SUGCT: variants seen among roughly 807,000 people sequenced by gnomAD.
SUGCT encodes succinyl-CoA:glutarate-CoA transferase.
A neutral mutation model predicts 55.0 loss-of-function variants in SUGCT; 41 were observed. That is an observed-to-expected ratio of 0.74 (90% CI 0.58 to 0.97). SUGCT has a LOEUF of 0.97. Ranked by LOEUF, SUGCT falls within the 50% of genes least tolerant of loss-of-function variation. The pLI is 0.00. For synonymous variants in SUGCT, 187 were observed against 200.4 expected (o/e 0.93, Z 0.56); for missense variants, 568 against 547.8 (o/e 1.04, Z -0.37).
chr7:40,838,248 T>C (rs1171016735), intron 13 of SUGCT, among the ~76,000 whole-genome samples: 1 of 152,204 alleles, frequency 6.6e-6, no homozygotes, highest in Non-Finnish European at 1.5e-5. Context: ...CTATGTCTTT[T>C]CAGATAAAAT....
At chr7:40,753,985 T>A (rs932465334) in intron 13 of SUGCT, among the ~76,000 whole-genome samples, 1 of 152,134 alleles carries the variant, frequency 6.6e-6, no homozygotes, top group Admixed American at 6.6e-5. Context: ...TTCATATGAG[T>A]CTCTATCATC....
chr7:40,789,548 T>C (rs1314222878), intron 13 of SUGCT, among the ~76,000 whole-genome samples: 1 of 152,186 alleles, frequency 6.6e-6, no homozygotes, highest in Non-Finnish European at 1.5e-5. Flanking sequence ...ATTTAGTTTG[T>C]TTCTTAGTTA....
At chr7:40,279,052 G>A (rs572829190) in intron 8 of SUGCT, among the ~76,000 whole-genome samples, 1 of 149,714 alleles carries the variant, frequency 6.7e-6, no homozygotes, top group South Asian at 2.1e-4. Context: ...GTCCAGGCTA[G>A]TCTTGAACTC....
chr7:40,525,867 A>C (rs926505532), intron 12 of SUGCT, among the ~76,000 whole-genome samples: 3 of 152,198 alleles, frequency 2.0e-5, no homozygotes, highest in Non-Finnish European at 4.4e-5. Flanking sequence ...ATAAGGGAGC[A>C]GAGGTGCAGA....
the SUGCT span, among the ~76,000 whole-genome samples, chr7:40,956,435 C>G: frequency 6.6e-6 from 1 of 152,130 alleles, no homozygotes; most frequent in Non-Finnish European, 1.5e-5. Flanking sequence ...ATAGTATTCT[C>G]TGATGGTAGT....
chr7:40,395,638 A>G (rs1338366055), intron 9 of SUGCT, among the ~76,000 whole-genome samples: 4 of 151,980 alleles, frequency 2.6e-5, no homozygotes, highest in Admixed American at 6.6e-5. Context: ...TTTAAGCCAT[A>G]TTCCCCCATT....
At chr7:40,460,828 G>A (rs1356235366) in intron 11 of SUGCT, among the ~76,000 whole-genome samples, 1 of 152,074 alleles carries the variant, frequency 6.6e-6, no homozygotes, top group Non-Finnish European at 1.5e-5. Flanking sequence ...CAGCATTTTG[G>A]TATCTATAAG....
At chr7:40,248,878 G>GCT (rs1254071967) in intron 7 of SUGCT, among the ~76,000 whole-genome samples, 1 of 137,318 alleles carries the variant, frequency 7.3e-6, no homozygotes, top group Non-Finnish European at 1.5e-5. Context: ...TCCAGCGCGC[G>GCT]CGCGCGCTCG....
intron 9 of SUGCT, among the ~76,000 whole-genome samples, chr7:40,410,854 C>A (rs560701146): frequency 2.6e-5 from 4 of 152,140 alleles, no homozygotes; most frequent in Non-Finnish European, 4.4e-5. Context: ...CTAGGCCAGT[C>A]TGACTTTTAA....
chr7:40,919,876 A>G, the SUGCT span, among the ~76,000 whole-genome samples: 1 of 152,148 alleles, frequency 6.6e-6, no homozygotes, highest in Non-Finnish European at 1.5e-5. Context: ...GATTCTTCAC[A>G]TGCATCTCCC....
chr7:40,910,499 C>A, the SUGCT span, among the ~76,000 whole-genome samples: 1 of 152,218 alleles, frequency 6.6e-6, no homozygotes, highest in Non-Finnish European at 1.5e-5. Context: ...TCCATGCTTA[C>A]AAAGTGTGCT....
intron 9 of SUGCT, among the ~76,000 whole-genome samples, chr7:40,393,917 C>G (rs1437816637): frequency 6.6e-6 from 1 of 152,164 alleles, no homozygotes; most frequent in East Asian, 1.9e-4. Context: ...AGAGATTGTA[C>G]TGGTTTCTGA....
chr7:41,008,361 G>A, the SUGCT span, among the ~76,000 whole-genome samples: 1 of 152,180 alleles, frequency 6.6e-6, no homozygotes, highest in African/African-American at 2.4e-5. Flanking sequence ...GTGGAGCCTG[G>A]AGGAACCTCC....
At chr7:40,177,520 A>C (rs1784986805) in intron 1 of SUGCT, among the ~76,000 whole-genome samples, 1 of 152,152 alleles carries the variant, frequency 6.6e-6, no homozygotes, top group African/African-American at 2.4e-5. Context: ...ATTTTTTGAA[A>C]TAGTACAATT....
rs1330520195 is a variant in SUGCT, at chr7:40,316,787, A to G, written c.748A>G (p.Asn250Asp). The G allele has an allele frequency of 9.4e-6, 15 of 1,601,842 alleles. No homozygotes were observed. Among genetic ancestry groups the G allele is most frequent in the Non-Finnish European group, 1.3e-5 (15 of 1,173,604 alleles). ...QVACLSHIAA[N>D]YLIGQKEAKR... ...GGCGTGTTTGTCTCACATAGCTGCA[A>G]ATTATCTTATTGGTCAAAAGGAAGC... is the stretch of plus-strand genomic sequence containing the variant. Residue 250 changes from asparagine to aspartate, a missense_variant, in exon 9 of 14, where the codon AAT becomes GAT. By Grantham distance (23) the Asn-to-Asp change is conservative. Coordinates refer to ENST00000335693, the MANE Select transcript of SUGCT (RefSeq NM_001193313.2).
At chr7:40,500,904 C>A (rs1171458442) in intron 12 of SUGCT, among the ~76,000 whole-genome samples, 1 of 149,782 alleles carries the variant, frequency 6.7e-6, no homozygotes, top group East Asian at 1.9e-4. Flanking sequence ...CATACACATA[C>A]ACACAAACAC....
intron 13 of SUGCT, among the ~76,000 whole-genome samples, chr7:40,805,656 ACCCAAGCTGACATT>A (rs1236034389): frequency 1.3e-5 from 2 of 152,256 alleles, no homozygotes; most frequent in Admixed American, 6.5e-5. Flanking sequence ...CTCCACTTCA[ACCCAAGCTGACATT>A]CCCAAGCTGA....
intron 12 of SUGCT, among the ~76,000 whole-genome samples, chr7:40,566,164 CACA>C (rs1796139474): frequency 2.6e-5 from 4 of 152,094 alleles, no homozygotes; most frequent in African/African-American, 9.7e-5. Context: ...TTCTCCCCAG[CACA>C]TGACCAAGTA....
At position 40,483,697 on chromosome 7, in the gene SUGCT, GAA is replaced by G. The variant is rs11367132; in HGVS notation, c.987-12575_987-12574del. ...AAGTCCATAAGAAGACAGTTTCACT[GAA>G]AAAAAAAAAAAGAATAAAACAGGAC... On this transcript the variant is annotated intron_variant, in intron 11 of 13. Coordinates refer to ENST00000335693, the MANE Select transcript of SUGCT (RefSeq NM_001193313.2). 9.0e-3 allele frequency among the ~76,000 whole-genome samples: 1,305 copies of G among 145,120 alleles called. 44 individuals are homozygous for G. Among genetic ancestry groups the G allele is most frequent in the Admixed American group, 0.061 (892 of 14,662 alleles).
Sources: allele counts gnomAD v4.1 joint callset (sites outside exome capture counted in the v4.1 genomes callset), GRCh38; gene constraint gnomAD v4.1.1; transcripts MANE v1.5; gene names NCBI Gene and HGNC (gene_info 2026-07-23, HGNC 2026-07-21).